Variants in SKI observed in about 807,000 individuals in gnomAD.
SKI encodes SKI proto-oncogene.
SKI carries 23 observed loss-of-function variants against 59.3 expected under a neutral mutation model. The observed-to-expected ratio is 0.39, with a 90% confidence interval of 0.28 to 0.55. The LOEUF is 0.55. Among genes scored for constraint, SKI ranks in the 20% least tolerant of loss-of-function variants. SKI has a pLI of 0.67. For missense variants in SKI, 1,017 were observed against 1,038.9 expected (o/e 0.98, Z 0.29); for synonymous variants, 673 against 488.6 (o/e 1.38, Z -4.98).
In SKI at chr1:2,256,986, A is replaced by C. The variant is rs139269562; in HGVS notation, c.969+27251A>C. 3.2e-3 allele frequency among the ~76,000 whole-genome samples: 484 copies of C among 152,246 alleles called. 2 individuals are homozygous for C. The highest frequency in any genetic ancestry group is 5.5e-3 in the Non-Finnish European group (376 of 68,010). On this transcript the variant is annotated intron_variant, in intron 1 of 6. Transcript: ENST00000378536. Reference sequence around the variant, plus strand: ...AGGGCTGGACGTTGGTCCTCCTGGCACTGGTGCTCCGGTTGCTGTGGTCTC... The same window carrying C: ...AGGGCTGGACGTTGGTCCTCCTGGCCCTGGTGCTCCGGTTGCTGTGGTCTC...
Position 2,303,192 on chromosome 1 carries a change from C to T in SKI, c.1095+89C>T, listed in dbSNP as rs1031849262. On this transcript the variant is annotated intron_variant, in intron 2 of 6. Coordinates refer to ENST00000378536, the MANE Select transcript of SKI (RefSeq NM_003036.4). This position sits in a 1 kb window ranked among gnomAD's most constrained non-coding sequence, Gnocchi z 5.6. ...CCAGCGGCTGGCAGCTCCACCTGCC[C>T]GCTACTGAGGGCTGGCACCCGGCGC... The T allele has an allele frequency of 2.8e-5, 45 of 1,598,562 alleles. No homozygotes were observed. The Admixed American group carries it at 3.3e-4, about 12-fold the overall frequency.
intron 1 of SKI, among the ~76,000 whole-genome samples, chr1:2,245,316 A>G (rs1638969474): frequency 6.6e-6 from 1 of 152,012 alleles, no homozygotes; most frequent in South Asian, 2.1e-4. Flanking sequence ...TATTTTGTTT[A>G]CCCATTTCTG....
intron 1 of SKI, among the ~76,000 whole-genome samples, chr1:2,264,788 G>A (rs1277296423): frequency 6.6e-6 from 1 of 151,764 alleles, no homozygotes; most frequent in African/African-American, 2.4e-5. Context: ...TCTTCTTGAC[G>A]GACATGCCTC....
chr1:2,243,996 C>A (rs1420764633), intron 1 of SKI, among the ~76,000 whole-genome samples: 2 of 151,964 alleles, frequency 1.3e-5, no homozygotes, highest in Non-Finnish European at 2.9e-5. Flanking sequence ...CACAGAGTCT[C>A]GCTCTGTCAC....
At chr1:2,234,389 G>C (rs558254750) in intron 1 of SKI, among the ~76,000 whole-genome samples, 57 of 152,280 alleles carry the variant, frequency 3.7e-4, no homozygotes, top group African/African-American at 1.3e-3. Context: ...GGGTCACGGT[G>C]GGGGGGCTAG....
At position 2,306,859 on chromosome 1, in the gene SKI, C is replaced by G; in HGVS notation, c.*94C>G. ...TCCGCCCGGCTCCGCCCCTGCAGCCCACACAGCACAACGTCTTACCGTGCC... is the reference window on the plus strand; with the variant it reads ...TCCGCCCGGCTCCGCCCCTGCAGCCGACACAGCACAACGTCTTACCGTGCC... On this transcript the variant is annotated 3_prime_UTR_variant, in exon 7 of 7. Transcript: ENST00000378536. The G allele has an allele frequency of 1.2e-6, 1 of 857,988 alleles. No homozygotes were observed. The highest frequency in any genetic ancestry group is 1.6e-6 in the Non-Finnish European group (1 of 637,092). The allele number at this position is 857,988 out of a possible 1,614,324, so 53.1% of individuals were successfully genotyped here. A position where few individuals can be genotyped will look rare whatever the true frequency, so the allele number is the denominator to read the frequency against.
intron 1 of SKI, among the ~76,000 whole-genome samples, chr1:2,273,567 C>G (rs1005811958): frequency 6.6e-6 from 1 of 152,150 alleles, no homozygotes; most frequent in Non-Finnish European, 1.5e-5. Flanking sequence ...CTGCCTGGGG[C>G]GGTCCTCCCC....
rs1289351868 is a variant in SKI, at chr1:2,229,625, C to T, written c.859C>T (p.Leu287=). 4.3e-6 allele frequency: 7 copies of T among 1,612,386 alleles called. No homozygotes were observed. The highest frequency in any genetic ancestry group is 2.2e-5 in the South Asian group (2 of 91,056). ...DSANWRAYIL[L]SQDYTGKEEQ... ...GGCCAACTGGCGGGCCTACATCCTG[C>T]TGAGCCAGGATTACACGGGCAAGGA... Residue 287 remains leucine, a synonymous_variant, in exon 1 of 7, where the codon CTG becomes TTG. Coordinates refer to ENST00000378536, the MANE Select transcript of SKI (RefSeq NM_003036.4). This position sits in a 1 kb window ranked among gnomAD's most constrained non-coding sequence, Gnocchi z 6.3.
intron 1 of SKI, among the ~76,000 whole-genome samples, chr1:2,246,303 C>T (rs555394911): frequency 9.0e-4 from 137 of 152,200 alleles, no homozygotes; most frequent in African/African-American, 3.2e-3. Context: ...GGCATTTTTT[C>T]GTGTGCTTAT....
chr1:2,228,605 G>T lies in SKI; in HGVS notation c.-162G>T, dbSNP rs1638555322. 2 of 174,266 alleles carry T rather than the reference G, an allele frequency of 1.1e-5. No individual in the cohort carries two copies. Among genetic ancestry groups the T allele is most frequent in the African/African-American group, 2.5e-5 (1 of 40,334 alleles). The allele number at this position is 174,266 out of a possible 1,614,324, so 10.8% of individuals were successfully genotyped here. A position where few individuals can be genotyped will look rare whatever the true frequency, so the allele number is the denominator to read the frequency against. On this transcript the variant is annotated 5_prime_UTR_variant, in exon 1 of 7. Transcript: ENST00000378536. ...CTTCGCCCCGCCCGCCTTCCCCTTC[G>T]CGCCCCCGGGCGAGGCCGCGGCCGT...
At chr1:2,298,729 C>G (rs1244770273) in intron 1 of SKI, among the ~76,000 whole-genome samples, 19 of 152,198 alleles carry the variant, frequency 1.2e-4, no homozygotes, top group Admixed American at 1.2e-3. Context: ...CAGAGACAGA[C>G]GTGGCCGATC....
intron 1 of SKI, among the ~76,000 whole-genome samples, chr1:2,259,937 C>G (rs1639349282): frequency 6.6e-6 from 1 of 152,224 alleles, no homozygotes; most frequent in African/African-American, 2.4e-5. Context: ...TGGAGTGTTT[C>G]CAGTTCTTGA....
chr1:2,279,739 G>A (rs1049119817), intron 1 of SKI, among the ~76,000 whole-genome samples: 1 of 152,156 alleles, frequency 6.6e-6, no homozygotes, highest in Admixed American at 6.5e-5. Flanking sequence ...ATTAGAGACA[G>A]GGTCTCACTC....
At chr1:2,274,762 C>T (rs935603511) in intron 1 of SKI, among the ~76,000 whole-genome samples, 12 of 152,156 alleles carry the variant, frequency 7.9e-5, no homozygotes, top group East Asian at 5.8e-4. Context: ...GAATAGCAGC[C>T]GTGATGGGGG....
At position 2,306,217 on chromosome 1, in the gene SKI, G is replaced by C; in HGVS notation, c.1965G>C (p.Glu655Asp). The C allele has an allele frequency of 6.4e-7, 1 of 1,567,346 alleles. No individual in the cohort carries two copies. The highest frequency in any genetic ancestry group is 8.6e-7 in the Non-Finnish European group (1 of 1,157,092). The change falls in exon 6 of 7, where the codon GAG (glutamate) becomes GAC (aspartate). Residue 655 changes from glutamate (E) to aspartate (D), a missense_variant. Transcript: ENST00000378536. The stretch of plus-strand genomic sequence containing the variant: ...CCCGGGTGTGCGACAAGGGCTGCGA[G>C]GCGGGCCGCCTGCGCGCCAAGTACT... ...RQARVCDKGC[E>D]AGRLRAKYSA...
chr1:2,282,134 C>T lies in SKI; in HGVS notation c.970-20844C>T, dbSNP rs1343948835. Among the ~76,000 whole-genome samples, 4 of 73,076 alleles carry T rather than the reference C, an allele frequency of 5.5e-5. No homozygotes were observed. The South Asian group carries it at 1.6e-3, about 30-fold the overall frequency. 47.9% of individuals were successfully genotyped at this position (73,076 alleles called of 152,430 possible). ...AGAGAGAGATGCCCGAGAAGACAGG[C>T]GGTGGCGGAGATCTTCAGAGAGAGG... On this transcript the variant is annotated intron_variant, in intron 1 of 6. Transcript: ENST00000378536.
intron 1 of SKI, among the ~76,000 whole-genome samples, chr1:2,234,363 G>A (rs572545056): frequency 7.9e-5 from 12 of 152,266 alleles, no homozygotes; most frequent in African/African-American, 2.6e-4. Flanking sequence ...TGGGTCCCTC[G>A]CCTTCTGGGG....
intron 1 of SKI, among the ~76,000 whole-genome samples, chr1:2,298,881 C>G (rs918448397): frequency 1.3e-5 from 2 of 152,236 alleles, no homozygotes; most frequent in Admixed American, 6.5e-5. Flanking sequence ...CCCTGTGGTG[C>G]TTGCCCACTA....
Position 2,246,051 on chromosome 1 carries a change from C to T in SKI, c.969+16316C>T, listed in dbSNP as rs556190005. On this transcript the variant is annotated intron_variant, in intron 1 of 6. Coordinates refer to ENST00000378536, the MANE Select transcript of SKI (RefSeq NM_003036.4). Reference sequence around the variant, plus strand: ...CCTCAAGCCGTCATCCCGCCTCGGCCTCCCAAAGTGCTGGGATTACAGGCG... The same window carrying T: ...CCTCAAGCCGTCATCCCGCCTCGGCTTCCCAAAGTGCTGGGATTACAGGCG... Among the ~76,000 whole-genome samples, 25 of 152,316 alleles carry T rather than the reference C, an allele frequency of 1.6e-4. No individual in the cohort carries two copies. In the South Asian group the frequency reaches 4.3e-3, roughly 26 times the overall value.
Sources: allele counts gnomAD v4.1 joint callset (sites outside exome capture counted in the v4.1 genomes callset), GRCh38; gene constraint gnomAD v4.1.1; non-coding constraint Gnocchi (gnomAD v3.1); transcripts MANE v1.5; gene names NCBI Gene and HGNC (gene_info 2026-07-23, HGNC 2026-07-21).